PTPRK: variants seen among roughly 807,000 people sequenced by gnomAD.
PTPRK encodes receptor-type tyrosine-protein phosphatase kappa.
A neutral mutation model predicts 178.0 loss-of-function variants in PTPRK; 75 were observed. The observed-to-expected ratio is 0.42, with a 90% CI of 0.35 to 0.51. PTPRK has a LOEUF of 0.51. Ranked by LOEUF, PTPRK falls within the 20% of genes least tolerant of loss-of-function variation. The pLI, the probability that PTPRK is intolerant of heterozygous loss-of-function variation, is 0.02. For synonymous variants in PTPRK, 637 were observed against 620.6 expected (o/e 1.03, Z -0.39); for missense variants, 1,441 against 1,797.8 (o/e 0.80, Z 3.59).
chr6:128,210,398 T>G (rs1338164995), intron 6 of PTPRK, among the ~76,000 whole-genome samples: 1 of 128,240 alleles, frequency 7.8e-6, no homozygotes, highest in Non-Finnish European at 1.6e-5. Flanking sequence ...ACAAAATCAA[T>G]GAATTCTCTT....
intron 2 of PTPRK, among the ~76,000 whole-genome samples, chr6:128,354,231 G>GATTTTTTT (rs1562341681): frequency 4.1e-5 from 2 of 49,358 alleles, no homozygotes; most frequent in Non-Finnish European, 6.5e-5. Context: ...TTTTGTTTAT[G>GATTTTTTT]TTTTTTTTTT....
Position 128,196,266 on chromosome 6 carries a change from C to T in PTPRK, c.869-11541G>A, listed in dbSNP as rs1269006916. ...TATTTTAATCATCTAATTCTATTAC[C>T]ATTCCTTTAGGGGCCAAAATACCTG... On this transcript the variant is annotated intron_variant, in intron 6 of 29. Coordinates refer to ENST00000368226, the MANE Select transcript of PTPRK (RefSeq NM_002844.4). 2.6e-5 allele frequency among the ~76,000 whole-genome samples: 4 copies of T among 151,958 alleles called. No individual in the cohort carries two copies. In the East Asian group the frequency reaches 7.7e-4, roughly 29 times the overall value.
chr6:128,335,029 A>C lies in PTPRK; in HGVS notation c.224-12719T>G, dbSNP rs1424804982. Among the ~76,000 whole-genome samples, 5 of 152,208 alleles carry C rather than the reference A, an allele frequency of 3.3e-5. No individual in the cohort carries two copies. In the East Asian group the frequency reaches 9.6e-4, roughly 29 times the overall value. On this transcript the variant is annotated intron_variant, in intron 2 of 29. Coordinates refer to ENST00000368226, the MANE Select transcript of PTPRK (RefSeq NM_002844.4). ...TTTGAACCCAGGAGGCGAAGTTTGC[A>C]CTGAGCCAAAGCCATGCCACTGCAC...
intron 1 of PTPRK, among the ~76,000 whole-genome samples, chr6:128,409,660 A>G (rs914803969): frequency 1.3e-5 from 2 of 152,184 alleles, no homozygotes; most frequent in African/African-American, 2.4e-5. Context: ...TGTGTCCCCA[A>G]CCAAATCTCA....
intron 3 of PTPRK, among the ~76,000 whole-genome samples, chr6:128,298,996 C>T (rs368864190): frequency 1.8e-4 from 28 of 152,150 alleles, no homozygotes; most frequent in Admixed American, 6.6e-5. Context: ...AAAATCTCCT[C>T]AAGCTGATAA....
chr6:128,270,707 T>C (rs1819670609), intron 3 of PTPRK, among the ~76,000 whole-genome samples: 2 of 152,148 alleles, frequency 1.3e-5, no homozygotes, highest in East Asian at 3.8e-4. Context: ...TAGTCTTAAC[T>C]TTTAGAATGT....
intron 6 of PTPRK, among the ~76,000 whole-genome samples, chr6:128,192,511 C>G (rs1309254539): frequency 6.6e-6 from 1 of 152,006 alleles, no homozygotes; most frequent in East Asian, 1.9e-4. Context: ...AAAAAAGTTA[C>G]CCATGCCACC....
chr6:128,248,919 G>A (rs1815969786), intron 3 of PTPRK, among the ~76,000 whole-genome samples: 1 of 152,196 alleles, frequency 6.6e-6, no homozygotes, highest in Admixed American at 6.5e-5. Context: ...GCGAGTATTT[G>A]TGTATACACA....
intron 1 of PTPRK, among the ~76,000 whole-genome samples, chr6:128,513,156 A>C (rs1410766366): frequency 6.6e-6 from 1 of 152,160 alleles, no homozygotes; most frequent in Non-Finnish European, 1.5e-5. Flanking sequence ...TGTGTCTGGA[A>C]TATTAAATAA....
chr6:128,297,893 A>G (rs1824780081), intron 3 of PTPRK, among the ~76,000 whole-genome samples: 8 of 152,186 alleles, frequency 5.3e-5, no homozygotes, highest in Admixed American at 5.2e-4. Flanking sequence ...AACTGAAGGA[A>G]GTAGAGACAT....
intron 13 of PTPRK, among the ~76,000 whole-genome samples, chr6:128,024,496 A>G (rs1773987933): frequency 6.6e-6 from 1 of 152,186 alleles, no homozygotes; most frequent in South Asian, 2.1e-4. Flanking sequence ...TAGTAATTTG[A>G]CATTTTCTTA....
chr6:128,116,780 G>A (rs915656257), intron 7 of PTPRK, among the ~76,000 whole-genome samples: 6 of 152,198 alleles, frequency 3.9e-5, no homozygotes, highest in Non-Finnish European at 8.8e-5. Flanking sequence ...AAAAGATCTT[G>A]TGTTGAGCAA....
chr6:128,194,442 C>T (rs1804521454), intron 6 of PTPRK, among the ~76,000 whole-genome samples: 1 of 152,126 alleles, frequency 6.6e-6, no homozygotes, highest in African/African-American at 2.4e-5. Flanking sequence ...CTACAGTCAA[C>T]ATGGTGGCAA....
chr6:128,047,302 A>G (rs551965900), intron 13 of PTPRK, among the ~76,000 whole-genome samples: 6 of 152,314 alleles, frequency 3.9e-5, no homozygotes, highest in Admixed American at 6.5e-5. Context: ...ATTGCTTACC[A>G]TAAGTAATAT....
chr6:128,256,818 A>C (rs776524667), intron 3 of PTPRK, among the ~76,000 whole-genome samples: 12 of 152,204 alleles, frequency 7.9e-5, no homozygotes, highest in Admixed American at 1.3e-4. Flanking sequence ...ACACTGCAAA[A>C]AAAGAGGGCG....
chr6:127,983,532 G>A (rs1775604742), intron 22 of PTPRK, among the ~76,000 whole-genome samples, 155 bp from the exon 23 acceptor site: 1 of 152,146 alleles, frequency 6.6e-6, no homozygotes, highest in Non-Finnish European at 1.5e-5. Flanking sequence ...GCTTATTAAT[G>A]TACAAATAGC....
chr6:128,489,499 G>A (rs1853458016), intron 1 of PTPRK, among the ~76,000 whole-genome samples: 1 of 152,136 alleles, frequency 6.6e-6, no homozygotes, highest in Admixed American at 6.5e-5. Flanking sequence ...GATAACTAAA[G>A]TGATAGTAAC....
intron 3 of PTPRK, among the ~76,000 whole-genome samples, chr6:128,318,096 A>G (rs915339767): frequency 3.9e-5 from 6 of 152,198 alleles, no homozygotes; most frequent in Non-Finnish European, 7.3e-5. Context: ...CTCTATATGG[A>G]TGAATGCAGA....
intron 1 of PTPRK, among the ~76,000 whole-genome samples, chr6:128,496,697 A>G (rs565007891): frequency 6.6e-6 from 1 of 152,306 alleles, no homozygotes; most frequent in South Asian, 2.1e-4. Flanking sequence ...GCATCCTGTA[A>G]GATTTATTAT....
Sources: gnomAD v4.1 joint callset for allele counts (sites outside exome capture counted in the v4.1 genomes callset) on GRCh38, gnomAD v4.1.1 for gene constraint, MANE v1.5 for transcripts, NCBI Gene and HGNC (gene_info 2026-07-23, HGNC 2026-07-21) for gene names.